KCNIP1: variants seen among roughly 807,000 people sequenced by gnomAD.
The protein encoded by KCNIP1 is A-type potassium channel modulatory protein KCNIP1.
In KCNIP1, 18 loss-of-function variants were observed where a neutral mutation model predicts 33.0. That is an observed-to-expected ratio of 0.55 (90% confidence interval 0.38 to 0.81). The LOEUF (loss-of-function observed/expected upper bound fraction) is 0.81, where lower values mean the gene tolerates loss of function less well. Among genes scored for constraint, KCNIP1 ranks in the 30% least tolerant of loss-of-function variants. KCNIP1 has a pLI of 0.00. For missense variants in KCNIP1, 238 were observed against 271.6 expected (o/e 0.88, Z 0.87); for synonymous variants, 93 against 98.3 (o/e 0.95, Z 0.32).
At chr5:170,722,946 G>A (rs1014742917) in intron 5 of KCNIP1, 126 bp downstream of exon 5, 5 of 630,492 alleles carry the variant, frequency 7.9e-6, no homozygotes, top group African/African-American at 5.6e-5. Context: ...GGCTAACAGA[G>A]CTGGTCCCTG....
chr5:170,495,137 G>C (rs1247441113), intron 1 of KCNIP1, among the ~76,000 whole-genome samples: 1 of 152,220 alleles, frequency 6.6e-6, no homozygotes, highest in Non-Finnish European at 1.5e-5. Flanking sequence ...CCCATCCCCA[G>C]TGTTGCCTGA....
intron 1 of KCNIP1, among the ~76,000 whole-genome samples, chr5:170,470,567 G>T (rs1007267262): frequency 1.3e-5 from 2 of 152,212 alleles, no homozygotes; most frequent in Non-Finnish European, 2.9e-5. Context: ...TCATGCTTAA[G>T]ATCAGAACTC....
chr5:170,406,644 C>A (rs1245542595), intron 1 of KCNIP1, among the ~76,000 whole-genome samples: 2 of 152,146 alleles, frequency 1.3e-5, no homozygotes, highest in African/African-American at 4.8e-5. Context: ...CCCAGGAAAG[C>A]GGTTTATTTC....
At chr5:170,488,786 T>C (rs986674309) in intron 1 of KCNIP1, among the ~76,000 whole-genome samples, 25 of 151,964 alleles carry the variant, frequency 1.6e-4, no homozygotes, top group African/African-American at 5.8e-4. Flanking sequence ...GGGAAGGGTG[T>C]CTTGAGTGTG....
intron 1 of KCNIP1, among the ~76,000 whole-genome samples, chr5:170,428,620 T>TCAGTACTCAC (rs1755665533): frequency 6.6e-6 from 1 of 152,140 alleles, no homozygotes; most frequent in South Asian, 2.1e-4. Flanking sequence ...TGCTGTCCCA[T>TCAGTACTCAC]CAGTACTCAC....
chr5:170,432,789 T>A (rs183174050), intron 1 of KCNIP1, among the ~76,000 whole-genome samples: 5 of 152,296 alleles, frequency 3.3e-5, no homozygotes, highest in Admixed American at 2.6e-4. Flanking sequence ...GAGGTGGAAA[T>A]TAATATCCCC....
intron 1 of KCNIP1, among the ~76,000 whole-genome samples, chr5:170,652,312 C>T (rs529083832): frequency 2.6e-5 from 4 of 151,816 alleles, no homozygotes; most frequent in South Asian, 4.2e-4. Context: ...GGAAAAACCC[C>T]GTCTCTACTA....
At chr5:170,472,508 G>A (rs925128231) in intron 1 of KCNIP1, among the ~76,000 whole-genome samples, 4 of 152,146 alleles carry the variant, frequency 2.6e-5, no homozygotes, top group Non-Finnish European at 5.9e-5. Context: ...GGTGATTTGT[G>A]AGATTTTGGT....
chr5:170,368,477 A>G (rs1763757545), intron 1 of KCNIP1, among the ~76,000 whole-genome samples: 1 of 151,998 alleles, frequency 6.6e-6, no homozygotes, highest in African/African-American at 2.4e-5. Context: ...GTTTTCCAGG[A>G]TGGTCTCCAT....
At chr5:170,459,414 T>C (rs903531462) in intron 1 of KCNIP1, among the ~76,000 whole-genome samples, 3 of 152,166 alleles carry the variant, frequency 2.0e-5, no homozygotes, top group African/African-American at 7.2e-5. Context: ...CATATGGAAC[T>C]TTCTCCAAGA....
chr5:170,435,696 G>A (rs1342784204), intron 1 of KCNIP1, among the ~76,000 whole-genome samples: 3 of 152,130 alleles, frequency 2.0e-5, no homozygotes, highest in Admixed American at 6.6e-5. Flanking sequence ...GATAAAATCC[G>A]TACCCCACAG....
At chr5:170,582,762 A>G (rs1468179256) in intron 1 of KCNIP1, among the ~76,000 whole-genome samples, 1 of 152,156 alleles carries the variant, frequency 6.6e-6, no homozygotes, top group African/African-American at 2.4e-5. Context: ...GAGTTTCCCA[A>G]AGTACACACC....
At chr5:170,559,478 T>C (rs1756959774) in intron 1 of KCNIP1, among the ~76,000 whole-genome samples, 1 of 152,270 alleles carries the variant, frequency 6.6e-6, no homozygotes, top group South Asian at 2.1e-4. Flanking sequence ...CACCCTCCCT[T>C]TGTCCTCTAA....
At chr5:170,676,924 G>A (rs748826755) in intron 1 of KCNIP1, among the ~76,000 whole-genome samples, 11 of 152,150 alleles carry the variant, frequency 7.2e-5, no homozygotes, top group African/African-American at 1.2e-4. Context: ...ACATTTGCCT[G>A]GAAGAAAGAT....
At chr5:170,356,911 T>TCTGCAGC (rs1453249454) in intron 1 of KCNIP1, among the ~76,000 whole-genome samples, 1 of 152,036 alleles carries the variant, frequency 6.6e-6, no homozygotes, top group Non-Finnish European at 1.5e-5. Flanking sequence ...GCAAGCTGAG[T>TCTGCAGC]CTGCAGCCTC....
chr5:170,637,774 T>C (rs1431449677), intron 1 of KCNIP1, among the ~76,000 whole-genome samples: 1 of 152,128 alleles, frequency 6.6e-6, no homozygotes, highest in Non-Finnish European at 1.5e-5. Flanking sequence ...GGGCCTTGGT[T>C]TATGTATTTC....
chr5:170,551,693 T>G (rs2113417949), intron 1 of KCNIP1, among the ~76,000 whole-genome samples: 1 of 151,586 alleles, frequency 6.6e-6, no homozygotes, highest in African/African-American at 2.4e-5. Context: ...GATGAGAGTG[T>G]GTATGTGTGG....
chr5:170,653,834 C>A (rs549468374), intron 1 of KCNIP1, among the ~76,000 whole-genome samples: 1 of 152,172 alleles, frequency 6.6e-6, no homozygotes, highest in Admixed American at 6.5e-5. Context: ...GCCCTTAGCT[C>A]CAGCCTTCCA....
At position 170,475,501 on chromosome 5, in the gene KCNIP1, A is replaced by G. The variant is rs79352861; in HGVS notation, c.88+121537A>G. On this transcript the variant is annotated intron_variant, in intron 1 of 7. Transcript: ENST00000377360. ...GACTCCCACACGGCTGTCCTGGAAC[A>G]AGACAGCAGCTTTTCTTAGGTTGTT... Among the ~76,000 whole-genome samples, 803 of 152,334 alleles carry G rather than the reference A, an allele frequency of 5.3e-3. 10 individuals carry two copies. The highest frequency in any genetic ancestry group is 0.018 in the African/African-American group (735 of 41,582).
Sources: allele counts gnomAD v4.1 joint callset (sites outside exome capture counted in the v4.1 genomes callset), GRCh38; gene constraint gnomAD v4.1.1; transcripts MANE v1.5; gene names NCBI Gene and HGNC (gene_info 2026-07-23, HGNC 2026-07-21).